DLC1: variants seen among roughly 807,000 people sequenced by gnomAD.
The protein encoded by DLC1 is rho GTPase-activating protein 7.
Under a neutral mutation model 140.3 loss-of-function variants are expected in DLC1, and 54 were observed. That is an observed-to-expected ratio of 0.38 (90% CI 0.31 to 0.48). The LOEUF is 0.48. DLC1 is among the 20% of genes least tolerant of loss of function. The pLI, the probability that DLC1 is intolerant of heterozygous loss-of-function variation, is 0.96. For missense variants in DLC1, 2,536 were observed against 1,907.0 expected, an observed-to-expected ratio of 1.33 and a Z score of -6.14; for synonymous variants, 986 against 728.1, an observed-to-expected ratio of 1.35 and a Z score of -5.70.
In DLC1 at chr8:13,090,780, A is replaced by G. The variant is rs1052951374; in HGVS notation, c.3856-310T>C. On this transcript the variant is annotated intron_variant, in intron 14 of 17. Coordinates refer to ENST00000276297, the MANE Select transcript of DLC1 (RefSeq NM_182643.3). ...AGTGGATACAGCAGTTTAATTCCAGATAATTTGTTGCTTTTTCTTTCTTTC... is the reference window on the plus strand; with the variant it reads ...AGTGGATACAGCAGTTTAATTCCAGGTAATTTGTTGCTTTTTCTTTCTTTC... Among the ~76,000 whole-genome samples the G allele has an allele frequency of 1.4e-4, 21 of 151,124 alleles. 1 individual carries two copies. Among genetic ancestry groups the G allele is most frequent in the African/African-American group, 4.1e-4 (17 of 41,110 alleles).
At chr8:13,156,010 T>C (rs976566360) in intron 5 of DLC1, among the ~76,000 whole-genome samples, 2 of 152,224 alleles carry the variant, frequency 1.3e-5, no homozygotes, top group African/African-American at 4.8e-5. Context: ...ATTCTAGATA[T>C]ATCCCTCATT....
rs183557946 is a variant in DLC1 at position 13,371,134 on chromosome 8, G to T, written c.1314+22419C>A. On this transcript the variant is annotated intron_variant, in intron 4 of 17. Transcript: ENST00000276297. ...AGTTGCTCAATCTTTCTGTGGTCTT[G>T]TTTTTTTCCTTGTCTTTACTCTGTT... Among the ~76,000 whole-genome samples the T allele has an allele frequency of 6.7e-3, 1,013 of 152,180 alleles. 13 individuals carry two copies. The highest frequency in any genetic ancestry group is 0.022 in the African/African-American group (928 of 41,510).
chr8:13,115,731 C>T (rs1387831058), intron 5 of DLC1, 74 bp from the exon 6 acceptor site: 8 of 1,416,094 alleles, frequency 5.6e-6, no homozygotes, highest in Admixed American at 1.8e-5. Flanking sequence ...AATAAGCTTT[C>T]GTTTTATGAT....
chr8:13,377,416 G>A (rs1376657324), intron 4 of DLC1, among the ~76,000 whole-genome samples: 1 of 152,148 alleles, frequency 6.6e-6, no homozygotes, highest in Non-Finnish European at 1.5e-5. Context: ...ACAAGTGTCT[G>A]CTTTGTTGTA....
intron 5 of DLC1, among the ~76,000 whole-genome samples, chr8:13,259,828 C>G (rs1312471957): frequency 6.6e-6 from 1 of 151,282 alleles, no homozygotes. Context: ...GTATTCCTAT[C>G]TACTTAGGTG....
At chr8:13,541,465 A>C (rs1332162055) in intron 1 of DLC1, among the ~76,000 whole-genome samples, 1 of 152,198 alleles carries the variant, frequency 6.6e-6, no homozygotes, top group East Asian at 1.9e-4. Context: ...AAATACTTTT[A>C]ACTGTAGTCA....
At chr8:13,512,901 G>C (rs947948874) in intron 1 of DLC1, among the ~76,000 whole-genome samples, 7 of 150,406 alleles carry the variant, frequency 4.7e-5, no homozygotes, top group African/African-American at 1.7e-4. Flanking sequence ...AAGGCATACT[G>C]ATTTGATTTT....
chr8:13,246,644 T>C (rs1358016202), intron 5 of DLC1, among the ~76,000 whole-genome samples: 1 of 152,074 alleles, frequency 6.6e-6, no homozygotes, highest in Non-Finnish European at 1.5e-5. Context: ...TACAAAGGTA[T>C]AGTACGACAA....
intron 2 of DLC1, among the ~76,000 whole-genome samples, chr8:13,455,312 T>C (rs573320550): frequency 6.6e-6 from 1 of 152,294 alleles, no homozygotes; most frequent in Non-Finnish European, 1.5e-5. Context: ...GGCCGGTCTG[T>C]TAAAATGCAT....
intron 5 of DLC1, among the ~76,000 whole-genome samples, chr8:13,147,479 G>C (rs1259919353): frequency 6.6e-6 from 1 of 152,104 alleles, no homozygotes; most frequent in African/African-American, 2.4e-5. Flanking sequence ...CTGATTTTCA[G>C]ATCTGTGGCT....
At chr8:13,451,061 A>AAAAAAAAG (rs765604109) in intron 2 of DLC1, among the ~76,000 whole-genome samples, 1,643 of 138,256 alleles carry the variant, frequency 0.012, 20 homozygotes, top group African/African-American at 0.036. Flanking sequence ...AAAAAAAAAA[A>AAAAAAAAG]AAAAAAAGAA....
At chr8:13,185,283 GT>G (rs113333274) in intron 5 of DLC1, among the ~76,000 whole-genome samples, 4 of 130,772 alleles carry the variant, frequency 3.1e-5, no homozygotes, top group Admixed American at 1.6e-4. Flanking sequence ...TGTCTTTTCT[GT>G]TTTTTTTGTT....
intron 5 of DLC1, among the ~76,000 whole-genome samples, chr8:13,215,921 G>A (rs1828179740): frequency 6.6e-6 from 1 of 152,284 alleles, no homozygotes; most frequent in East Asian, 1.9e-4. Flanking sequence ...CCTGCTGGGA[G>A]TGGCTGCTCG....
At chr8:13,153,296 T>G (rs374384063) in intron 5 of DLC1, among the ~76,000 whole-genome samples, 1 of 152,148 alleles carries the variant, frequency 6.6e-6, no homozygotes, top group Non-Finnish European at 1.5e-5. Context: ...AGGTGGCGCG[T>G]CTGGAGTTGT....
chr8:13,219,814 T>C (rs1828454158), intron 5 of DLC1, among the ~76,000 whole-genome samples: 1 of 152,144 alleles, frequency 6.6e-6, no homozygotes, highest in Admixed American at 6.6e-5. Context: ...ATGAGGTATG[T>C]CCATCCAATG....
At chr8:13,603,421 G>T (rs1462893702) in intron 1 of DLC1, among the ~76,000 whole-genome samples, 2 of 151,452 alleles carry the variant, frequency 1.3e-5, no homozygotes, top group Non-Finnish European at 2.9e-5. Flanking sequence ...GAATTTCCTA[G>T]CTGGTATGGA....
chr8:13,212,511 C>T (rs114672909), intron 5 of DLC1, among the ~76,000 whole-genome samples: 2,088 of 152,152 alleles, frequency 0.014, 56 homozygotes, highest in African/African-American at 0.047. Flanking sequence ...TCTTTTTCTG[C>T]TTGTCCTGGT....
At chr8:13,570,888 A>G (rs1386597763) in intron 1 of DLC1, among the ~76,000 whole-genome samples, 1 of 152,090 alleles carries the variant, frequency 6.6e-6, no homozygotes, top group Non-Finnish European at 1.5e-5. Context: ...TTCTAGACTA[A>G]CCTACCAGAC....
At chr8:13,399,536 C>G (rs1186941906) in intron 3 of DLC1, among the ~76,000 whole-genome samples, 1 of 152,172 alleles carries the variant, frequency 6.6e-6, no homozygotes, top group Admixed American at 6.5e-5. Flanking sequence ...TAGTCTTGAT[C>G]TGATCCCCTA....
Sources: gnomAD v4.1 joint callset for allele counts (sites outside exome capture counted in the v4.1 genomes callset) on GRCh38, gnomAD v4.1.1 for gene constraint, MANE v1.5 for transcripts, NCBI Gene and HGNC (gene_info 2026-07-23, HGNC 2026-07-21) for gene names.